The following NPR3 variants were observed in gnomAD, a reference collection of about 807,000 sequenced individuals.
NPR3 encodes atrial natriuretic peptide receptor 3.
In NPR3, 34 loss-of-function variants were observed where a neutral mutation model predicts 54.5. The ratio of observed to expected loss-of-function variants is 0.62; its 90% CI spans 0.47 to 0.83. NPR3 has a LOEUF of 0.83. NPR3 is among the 40% of genes least tolerant of loss of function. The pLI is 0.00. For missense variants in NPR3, 674 were observed against 720.8 expected, an observed-to-expected ratio of 0.94 and a Z score of 0.74; for synonymous variants, 289 against 297.1, an observed-to-expected ratio of 0.97 and a Z score of 0.28.
In NPR3 at chr5:32,714,612, A is replaced by G. The variant is rs573044836; in HGVS notation, c.769+2067A>G. On this transcript the variant is annotated intron_variant, in intron 1 of 7. Transcript: ENST00000265074. Reference sequence around the variant, plus strand: ...GGATTTTACAATTCTTACTCTAAAAAGTATTTCCAACAGTGACCTGGCAGA... The same window carrying G: ...GGATTTTACAATTCTTACTCTAAAAGGTATTTCCAACAGTGACCTGGCAGA... Among the ~76,000 whole-genome samples the G allele has an allele frequency of 9.0e-4, 137 of 152,264 alleles. 1 individual carries two copies. The highest frequency in any genetic ancestry group is 1.3e-3 in the Non-Finnish European group (90 of 68,024).
chr5:32,776,873 G>A (rs1231600705), intron 4 of NPR3, among the ~76,000 whole-genome samples: 1 of 151,986 alleles, frequency 6.6e-6, no homozygotes, highest in Non-Finnish European at 1.5e-5. Context: ...AGGAGGAGTA[G>A]GGCTGCTAGT....
chr5:32,708,744 A>G (rs905625519), upstream of NPR3, among the ~76,000 whole-genome samples: 3 of 152,180 alleles, frequency 2.0e-5, no homozygotes, highest in African/African-American at 7.2e-5. Flanking sequence ...AACTTGATGG[A>G]AAGTAAACAA....
chr5:32,707,691 G>C (rs992167350), upstream of NPR3, among the ~76,000 whole-genome samples: 1 of 152,196 alleles, frequency 6.6e-6, no homozygotes, highest in African/African-American at 2.4e-5. Context: ...CTCAACAAGG[G>C]AGAAAAGGAC....
At chr5:32,735,232 A>G (rs761686497) in intron 2 of NPR3, among the ~76,000 whole-genome samples, 11 of 152,144 alleles carry the variant, frequency 7.2e-5, no homozygotes, top group Non-Finnish European at 1.5e-4. Flanking sequence ...AATCATTTCC[A>G]TGTCCTTCTA....
At chr5:32,719,081 G>A (rs1398925878) in intron 1 of NPR3, among the ~76,000 whole-genome samples, 2 of 152,092 alleles carry the variant, frequency 1.3e-5, no homozygotes, top group African/African-American at 2.4e-5. Context: ...GAATTTTATC[G>A]AAGGCCTTTT....
At chr5:32,720,553 G>A (rs1395391346) in intron 1 of NPR3, among the ~76,000 whole-genome samples, 1 of 152,162 alleles carries the variant, frequency 6.6e-6, no homozygotes, top group African/African-American at 2.4e-5. Context: ...GATGGAGGGT[G>A]GCATGGAACA....
intron 3 of NPR3, among the ~76,000 whole-genome samples, chr5:32,746,147 C>T (rs1237061314): frequency 6.6e-6 from 1 of 152,134 alleles, no homozygotes; most frequent in Non-Finnish European, 1.5e-5. Context: ...ATCCATGTTT[C>T]CAGAGAATCG....
Position 32,711,560 on chromosome 5 carries a change from CTTTTTCTTTTTT to C in NPR3, c.-212_-201del. ...TACACCCGGTGAACTTTTTCTTTTT[CTTTTTCTTTTTT>C]TTTTAAGAAAAACTAGTGACATTGC... On this transcript the variant is annotated 5_prime_UTR_variant, in exon 1 of 8. Coordinates refer to ENST00000265074, the MANE Select transcript of NPR3 (RefSeq NM_001204375.2). 8.1e-7 allele frequency: 1 copy of C among 1,238,638 alleles called. No homozygotes were observed. The highest frequency in any genetic ancestry group is 3.1e-4 in the Middle Eastern group (1 of 3,242). 76.7% of individuals were successfully genotyped at this position (1,238,638 alleles called of 1,614,324 possible). A position where few individuals can be genotyped will look rare whatever the true frequency, so the allele number is the denominator to read the frequency against.
chr5:32,735,969 G>A lies in NPR3; in HGVS notation c.893-2895G>A, dbSNP rs140921981. Among the ~76,000 whole-genome samples, 57 of 152,164 alleles carry A rather than the reference G, an allele frequency of 3.7e-4. No individual in the cohort carries two copies. The East Asian group carries it at 9.1e-3, about 24-fold the overall frequency. On this transcript the variant is annotated intron_variant, in intron 2 of 7. Transcript: ENST00000265074. ...CTCCAGGCTGAGCTCGGTGGCTCAC[G>A]CCTGTAATCCCAACACTTTGGGAGG...
intron 1 of NPR3, among the ~76,000 whole-genome samples, chr5:32,716,101 T>C (rs1313734297): frequency 1.3e-5 from 2 of 152,142 alleles, no homozygotes; most frequent in Non-Finnish European, 2.9e-5. Flanking sequence ...TGGAGCTTTA[T>C]GAACAACAGA....
chr5:32,719,560 G>A (rs1738736838), intron 1 of NPR3, among the ~76,000 whole-genome samples: 1 of 152,104 alleles, frequency 6.6e-6, no homozygotes. Flanking sequence ...TGCTTTCCTG[G>A]AAATTTTTAG....
At chr5:32,744,790 C>T (rs700924) in intron 3 of NPR3, among the ~76,000 whole-genome samples, 46,241 of 151,972 alleles carry the variant, frequency 0.3, 8,102 homozygotes, top group African/African-American at 0.49. Context: ...CTCGGTTCCT[C>T]TGCATCGCAG....
intron 1 of NPR3, among the ~76,000 whole-genome samples, 173 bp downstream of exon 1, chr5:32,712,718 C>G (rs1290181768): frequency 6.6e-6 from 1 of 152,220 alleles, no homozygotes; most frequent in Non-Finnish European, 1.5e-5. Flanking sequence ...TTGACGACCG[C>G]CCATCGCGGT....
chr5:32,719,797 T>TG (rs1738754674), intron 1 of NPR3, among the ~76,000 whole-genome samples: 1 of 151,872 alleles, frequency 6.6e-6, no homozygotes, highest in Non-Finnish European at 1.5e-5. Flanking sequence ...TGTTTTTTTT[T>TG]TTTTGTAATT....
chr5:32,749,214 G>A (rs1208773797), intron 3 of NPR3, among the ~76,000 whole-genome samples: 1 of 151,624 alleles, frequency 6.6e-6, no homozygotes, highest in Non-Finnish European at 1.5e-5. Flanking sequence ...CTTTCTAAGG[G>A]CAACTTAGAA....
chr5:32,722,187 G>T (rs953082844), intron 1 of NPR3, among the ~76,000 whole-genome samples: 18 of 152,164 alleles, frequency 1.2e-4, no homozygotes, highest in African/African-American at 3.9e-4. Context: ...GAAACTTCAG[G>T]CAAAGTTTAG....
chr5:32,776,788 CAACA>C (rs1357646014), intron 4 of NPR3, among the ~76,000 whole-genome samples: 1 of 152,016 alleles, frequency 6.6e-6, no homozygotes, highest in Non-Finnish European at 1.5e-5. Context: ...GGGGATGAGG[CAACA>C]AACAATGAAT....
intron 1 of NPR3, among the ~76,000 whole-genome samples, chr5:32,701,285 G>A (rs115062858): frequency 6.6e-6 from 1 of 152,088 alleles, no homozygotes; most frequent in East Asian, 1.9e-4. Flanking sequence ...CACTTCTGCT[G>A]TTAAGAGACT....
chr5:32,696,212 A>G (rs1740529144), intron 1 of NPR3, among the ~76,000 whole-genome samples: 1 of 152,190 alleles, frequency 6.6e-6, no homozygotes, highest in Admixed American at 6.5e-5. Context: ...ATTATTCTGC[A>G]TATGGATATC....
Sources: gnomAD v4.1 joint callset for allele counts (sites outside exome capture counted in the v4.1 genomes callset) on GRCh38, gnomAD v4.1.1 for gene constraint, MANE v1.5 for transcripts, NCBI Gene and HGNC (gene_info 2026-07-23, HGNC 2026-07-21) for gene names.